Variants in NRG1 observed in about 807,000 individuals in gnomAD.
NRG1 encodes pro-neuregulin-1, membrane-bound isoform.
NRG1 carries 18 observed loss-of-function variants against 63.8 expected under a neutral mutation model. The observed-to-expected ratio is 0.28, with a 90% CI of 0.19 to 0.42. The LOEUF (loss-of-function observed/expected upper bound fraction) is 0.42. NRG1 is among the 10% of genes least tolerant of loss of function. NRG1 has a pLI of 1.00. For synonymous variants in NRG1, 302 were observed against 301.3 expected, an observed-to-expected ratio of 1.00 and a Z score of -0.02; for missense variants, 762 against 814.7, an observed-to-expected ratio of 0.94 and a Z score of 0.79.
At chr8:32,604,913 T>C (rs915544588) in intron 2 of NRG1, among the ~76,000 whole-genome samples, 1 of 152,038 alleles carries the variant, frequency 6.6e-6, no homozygotes, top group African/African-American at 2.4e-5. Flanking sequence ...ATATTCAGAG[T>C]TTTATAAAAC....
chr8:32,326,012 C>CTT (rs68070632), intron 1 of NRG1, among the ~76,000 whole-genome samples: 14,582 of 138,888 alleles, frequency 0.1, 1,145 homozygotes, highest in African/African-American at 0.22. Flanking sequence ...TCAGATGTCA[C>CTT]TTTTTTTTTT....
chr8:31,986,400 CT>C (rs1362040210), intron 1 of NRG1, among the ~76,000 whole-genome samples: 1 of 152,038 alleles, frequency 6.6e-6, no homozygotes, highest in Non-Finnish European at 1.5e-5. Flanking sequence ...TTTGAGATGA[CT>C]CTGAAATCTG....
chr8:32,086,894 A>T (rs1195752173), intron 1 of NRG1, among the ~76,000 whole-genome samples: 3 of 152,200 alleles, frequency 2.0e-5, no homozygotes, highest in Admixed American at 6.5e-5. Context: ...TAGTAAGAAC[A>T]TTTAAGATGA....
At chr8:32,175,090 C>T (rs1332016716) in intron 1 of NRG1, among the ~76,000 whole-genome samples, 1 of 152,146 alleles carries the variant, frequency 6.6e-6, no homozygotes, top group Non-Finnish European at 1.5e-5. Context: ...CAGTAAAATA[C>T]TAGCAAACTG....
intron 4 of NRG1, among the ~76,000 whole-genome samples, chr8:32,615,756 T>G (rs1224839893): frequency 1.3e-5 from 2 of 152,024 alleles, no homozygotes; most frequent in African/African-American, 2.4e-5. Context: ...TTAGGACATA[T>G]TCATATGTCA....
At chr8:32,420,522 T>A in intron 1 of NRG1, among the ~76,000 whole-genome samples, 1 of 135,134 alleles carries the variant, frequency 7.4e-6, no homozygotes, top group African/African-American at 2.8e-5. Flanking sequence ...ACCACCCTCA[T>A]CTCTCTCTCT....
At chr8:32,155,169 G>GA (rs74723634) in intron 1 of NRG1, among the ~76,000 whole-genome samples, 22,057 of 150,016 alleles carry the variant, frequency 0.15, 2,187 homozygotes, top group African/African-American at 0.28. Flanking sequence ...GCACTGGAGT[G>GA]AAAAAAAAAT....
At chr8:32,587,173 C>A (rs1310014246) in intron 1 of NRG1, among the ~76,000 whole-genome samples, 1 of 151,684 alleles carries the variant, frequency 6.6e-6, no homozygotes, top group African/African-American at 2.4e-5. Context: ...CACATAACAC[C>A]ACTGCATTCT....
chr8:32,684,810 G>A (rs1809643120), intron 5 of NRG1, among the ~76,000 whole-genome samples: 1 of 151,176 alleles, frequency 6.6e-6, no homozygotes, highest in African/African-American at 2.4e-5. Context: ...TAATTAGGTA[G>A]GTGGTATAAA....
intron 1 of NRG1, among the ~76,000 whole-genome samples, chr8:31,889,323 C>T (rs1830966743): frequency 6.6e-6 from 1 of 152,136 alleles, no homozygotes; most frequent in Non-Finnish European, 1.5e-5. Flanking sequence ...ATGAGAGAAC[C>T]TCATAAATAA....
chr8:32,211,438 G>T (rs1844694699), intron 1 of NRG1, among the ~76,000 whole-genome samples: 2 of 152,250 alleles, frequency 1.3e-5, no homozygotes, highest in Admixed American at 6.5e-5. Flanking sequence ...AAGTGGAATT[G>T]CTGAGCCAGG....
chr8:32,146,920 C>T (rs577935888), intron 1 of NRG1, among the ~76,000 whole-genome samples: 1 of 151,550 alleles, frequency 6.6e-6, no homozygotes, highest in African/African-American at 2.4e-5. Flanking sequence ...GGGTATGTAC[C>T]CAAGAAGTAG....
In NRG1 at chr8:32,247,103, G is replaced by GT. The variant is rs139121954; in HGVS notation, c.38-348716dup. Among the ~76,000 whole-genome samples the GT allele has an allele frequency of 1.1e-4, 11 of 102,752 alleles. No individual in the cohort carries two copies. The East Asian group carries it at 2.0e-3, about 19-fold the overall frequency. The allele number at this position is 102,752 out of a possible 152,430, so 67.4% of individuals were successfully genotyped here. A position where few individuals can be genotyped will look rare whatever the true frequency, so the allele number is the denominator to read the frequency against. On this transcript the variant is annotated intron_variant, in intron 1 of 10. Coordinates refer to the NRG1 transcript ENST00000519301. ...CAATATCATAAATTGTCAATTTACA[G>GT]TTTTTTTTTAAAAAAAAGGAAAGCA...
At chr8:31,978,952 T>G (rs1366625666) in intron 1 of NRG1, among the ~76,000 whole-genome samples, 1 of 152,180 alleles carries the variant, frequency 6.6e-6, no homozygotes, top group African/African-American at 2.4e-5. Flanking sequence ...TTTATTTTAG[T>G]AATTAACTGT....
chr8:32,087,627 C>T (rs964398061), intron 1 of NRG1, among the ~76,000 whole-genome samples: 8 of 151,698 alleles, frequency 5.3e-5, no homozygotes, highest in African/African-American at 1.5e-4. Flanking sequence ...CGTGTGCCCA[C>T]GCCCAGCTAA....
At chr8:32,398,844 T>G (rs550838304) in intron 1 of NRG1, among the ~76,000 whole-genome samples, 26 of 152,330 alleles carry the variant, frequency 1.7e-4, no homozygotes, top group African/African-American at 5.1e-4. Context: ...TTACAAAGTT[T>G]TATAGGTTCT....
intron 1 of NRG1, among the ~76,000 whole-genome samples, chr8:31,860,785 C>T (rs1018012497): frequency 5.3e-5 from 8 of 152,182 alleles, no homozygotes; most frequent in Admixed American, 5.2e-4. Context: ...AAATAATTGT[C>T]TCAGAGTCCC....
intron 1 of NRG1, among the ~76,000 whole-genome samples, chr8:31,924,862 G>T (rs920994235): frequency 1.3e-5 from 2 of 151,160 alleles, no homozygotes; most frequent in Non-Finnish European, 1.5e-5. Flanking sequence ...TAATCCAGGG[G>T]TTATTTAAAA....
intron 1 of NRG1, among the ~76,000 whole-genome samples, chr8:32,422,564 C>T (rs1042743313): frequency 1.3e-5 from 2 of 152,130 alleles, no homozygotes; most frequent in Non-Finnish European, 2.9e-5. Context: ...GTGGTAAATT[C>T]CTGAAAGTAG....
Sources: allele counts gnomAD v4.1 joint callset (sites outside exome capture counted in the v4.1 genomes callset), GRCh38; gene constraint gnomAD v4.1.1; transcripts MANE v1.5; gene names NCBI Gene and HGNC (gene_info 2026-07-23, HGNC 2026-07-21).